Variants in CBL observed in about 807,000 individuals in gnomAD.
CBL encodes E3 ubiquitin-protein ligase CBL.
CBL carries 45 observed loss-of-function variants against 96.9 expected under a neutral mutation model. That is an observed-to-expected ratio of 0.46 (90% confidence interval 0.37 to 0.60). The LOEUF (loss-of-function observed/expected upper bound fraction) is 0.60. Among genes scored for constraint, CBL ranks in the 20% least tolerant of loss-of-function variants. CBL has a pLI of 0.00. For synonymous variants in CBL, 420 were observed against 426.8 expected, an observed-to-expected ratio of 0.98 and a Z score of 0.20; for missense variants, 1,024 against 1,143.5, an observed-to-expected ratio of 0.90 and a Z score of 1.51.
At chr11:119,255,264 G>A (rs1458122660) in intron 2 of CBL, among the ~76,000 whole-genome samples, 6 of 152,070 alleles carry the variant, frequency 3.9e-5, no homozygotes, top group African/African-American at 1.2e-4. Flanking sequence ...CCAGAGGGAG[G>A]GAGGAGCCAG....
At chr11:119,238,841 G>T (rs1282304675) in intron 2 of CBL, among the ~76,000 whole-genome samples, 3 of 152,118 alleles carry the variant, frequency 2.0e-5, no homozygotes, top group Non-Finnish European at 4.4e-5. Context: ...AAGTAAACAA[G>T]AGCAGCAGGA....
intron 1 of CBL, among the ~76,000 whole-genome samples, chr11:119,219,100 G>A (rs755290424): frequency 2.6e-4 from 39 of 152,030 alleles, no homozygotes; most frequent in Admixed American, 6.6e-4. Flanking sequence ...TACTAGGGCC[G>A]GGCGTGGTGG....
At chr11:119,232,847 C>A in intron 2 of CBL, 152 bp downstream of exon 2, 1 of 790,598 alleles carries the variant, frequency 1.3e-6, no homozygotes. Context: ...AAAAGGTTGC[C>A]ATGGATGACG....
intron 9 of CBL, among the ~76,000 whole-genome samples, chr11:119,280,650 C>G (rs555865613): frequency 1.3e-4 from 19 of 151,992 alleles, no homozygotes; most frequent in African/African-American, 4.1e-4. Context: ...AACATTGGTT[C>G]CCTGCCTCTG....
At chr11:119,226,675 C>G (rs891967697) in intron 1 of CBL, among the ~76,000 whole-genome samples, 1 of 152,054 alleles carries the variant, frequency 6.6e-6, no homozygotes, top group South Asian at 2.1e-4. Context: ...CCAGGCTGGT[C>G]TTGAACTCCT....
In CBL at chr11:119,245,173, G is replaced by GTTTT. The variant is rs55688715; in HGVS notation, c.443+12491_443+12494dup. ...AGGTGTGAGCCACCTTGCCCGACCA[G>GTTTT]TTTTTTTTTTTTTTTTAAACCAGAT... On this transcript the variant is annotated intron_variant, in intron 2 of 15. Transcript: ENST00000264033. Among the ~76,000 whole-genome samples the GTTTT allele has an allele frequency of 6.3e-5, 9 of 143,428 alleles. 1 individual carries two copies. Among genetic ancestry groups the GTTTT allele is most frequent in the Admixed American group, 1.4e-4 (2 of 14,336 alleles). The allele number at this position is 143,428 out of a possible 152,430, so 94.1% of individuals were successfully genotyped here.
chr11:119,236,446 A>T lies in CBL; in HGVS notation c.443+3751A>T, dbSNP rs149301430. ...CTTTTTATGGCTAAGTCATATTTCA[A>T]TGTATGGATATACCATATTTTGTTT... is the stretch of plus-strand genomic sequence containing the variant. On this transcript the variant is annotated intron_variant, in intron 2 of 15. Transcript: ENST00000264033. Among the ~76,000 whole-genome samples, 1,242 of 152,016 alleles carry T rather than the reference A, an allele frequency of 8.2e-3. 20 individuals carry two copies. Among genetic ancestry groups the T allele is most frequent in the African/African-American group, 0.028 (1,172 of 41,464 alleles).
chr11:119,263,163 C>T (rs1220896543), intron 2 of CBL, among the ~76,000 whole-genome samples: 1 of 152,182 alleles, frequency 6.6e-6, no homozygotes, highest in Non-Finnish European at 1.5e-5. Flanking sequence ...AGTACCAATA[C>T]CACAGGCACA....
chr11:119,236,595 GTATATA>G (rs71048051), intron 2 of CBL, among the ~76,000 whole-genome samples: 32,992 of 137,690 alleles, frequency 0.24, 3,831 homozygotes, highest in African/African-American at 0.29. Context: ...CTTCTTTTGA[GTATATA>G]TATATATATA....
chr11:119,264,393 C>T (rs867071405), intron 2 of CBL, among the ~76,000 whole-genome samples: 10 of 55,676 alleles, frequency 1.8e-4, no homozygotes, highest in Admixed American at 5.8e-4. Context: ...TTTCTTTTCT[C>T]TTCTCTTCTC....
chr11:119,284,487 T>TG (rs1592404659), intron 9 of CBL, among the ~76,000 whole-genome samples: 1 of 151,826 alleles, frequency 6.6e-6, no homozygotes, highest in African/African-American at 2.4e-5. Context: ...TTTGTAGAGA[T>TG]GGGGTCTCAT....
At chr11:119,209,347 G>A (rs113039352) in intron 1 of CBL, among the ~76,000 whole-genome samples, 1 of 152,190 alleles carries the variant, frequency 6.6e-6, no homozygotes, top group African/African-American at 2.4e-5. Flanking sequence ...GCCGGGCCCC[G>A]TGGCTCACGC....
intron 2 of CBL, among the ~76,000 whole-genome samples, chr11:119,242,505 T>G (rs573349309): frequency 7.3e-6 from 1 of 137,306 alleles, no homozygotes; most frequent in East Asian, 2.2e-4. Context: ...ACCACTGCAC[T>G]CTAGCCTGAG....
At chr11:119,210,411 A>C (rs925143557) in intron 1 of CBL, among the ~76,000 whole-genome samples, 8 of 152,050 alleles carry the variant, frequency 5.3e-5, no homozygotes, top group African/African-American at 1.9e-4. Flanking sequence ...GTAAATTTAA[A>C]AGTATCAAAG....
At position 119,275,981 on chromosome 11, in the gene CBL, TTA is replaced by T; in HGVS notation, c.870-14_870-13del. The T allele has an allele frequency of 6.2e-7, 1 of 1,614,028 alleles. No homozygotes were observed. The highest frequency in any genetic ancestry group is 8.5e-7 in the Non-Finnish European group (1 of 1,179,846). On this transcript the variant is annotated splice_polypyrimidine_tract_variant and intron_variant, in intron 5 of 15. Coordinates refer to ENST00000264033, the MANE Select transcript of CBL (RefSeq NM_005188.4). ...CAGCATAATCTACTAAAGCTTCTGTTTATGTCTGTTCATAGTTATATCTTCCG... is the reference window on the plus strand; with the variant it reads ...CAGCATAATCTACTAAAGCTTCTGTTTGTCTGTTCATAGTTATATCTTCCG...
chr11:119,287,758 G>T (rs1949994809), intron 11 of CBL, 94 bp from the exon 12 acceptor site: 1 of 833,774 alleles, frequency 1.2e-6, no homozygotes, highest in Non-Finnish European at 2.1e-6. Context: ...AGTTAGGTTT[G>T]TATCTGTTAT....
intron 2 of CBL, among the ~76,000 whole-genome samples, chr11:119,263,160 A>G (rs937674877): frequency 2.0e-5 from 3 of 152,238 alleles, no homozygotes; most frequent in African/African-American, 7.2e-5. Context: ...TGCAGTACCA[A>G]TACCACAGGC....
chr11:119,272,286 T>C (rs564312949), intron 3 of CBL, among the ~76,000 whole-genome samples: 1 of 152,120 alleles, frequency 6.6e-6, no homozygotes, highest in South Asian at 2.1e-4. Context: ...CACGCCCGGC[T>C]AATTTTTTGC....
rs772140687 is a variant in CBL, at chr11:119,285,228, G to A, written c.1603G>A (p.Val535Ile). Residue 535 changes from valine to isoleucine, a missense_variant, in exon 11 of 16, where the codon GTA (valine) becomes ATA (isoleucine). Physicochemically the swap from Val to Ile is conservative, Grantham distance 29 (BLOSUM62 3). This residue lies in a region of CBL where 695 missense variants were observed against 661.6 expected (regional missense o/e 1.05). Coordinates refer to ENST00000264033, the MANE Select transcript of CBL (RefSeq NM_005188.4). ...CCTTCATAAAGACAAACCATTGCCA[G>A]TACCTCCCACACTTCGAGATCTTCC... is the stretch of plus-strand genomic sequence containing the variant. Reference protein sequence around the residue: ...GSLHKDKPLPVPPTLRDLPPP... With the variant: ...GSLHKDKPLPIPPTLRDLPPP... The A allele has an allele frequency of 1.9e-6, 3 of 1,614,100 alleles. No individual in the cohort carries two copies. The highest frequency in any genetic ancestry group is 1.1e-5 in the South Asian group (1 of 91,080).
Sources: allele counts gnomAD v4.1 joint callset (sites outside exome capture counted in the v4.1 genomes callset), GRCh38; gene constraint gnomAD v4.1.1; regional missense constraint gnomAD v4.1.1; transcripts MANE v1.5; gene names NCBI Gene and HGNC (gene_info 2026-07-23, HGNC 2026-07-21).